RPS6KC1: variants seen among roughly 807,000 people sequenced by gnomAD.
RPS6KC1 encodes inactive ribosomal protein S6 kinase delta-1.
Under a neutral mutation model 103.8 loss-of-function variants are expected in RPS6KC1, and 54 were observed. That is an observed-to-expected ratio of 0.52 (90% CI 0.42 to 0.65). The LOEUF (loss-of-function observed/expected upper bound fraction) is 0.65. Among genes scored for constraint, RPS6KC1 ranks in the 30% least tolerant of loss-of-function variants. RPS6KC1 has a pLI of 0.00. For missense variants in RPS6KC1, 1,151 were observed against 1,253.8 expected (o/e 0.92, Z 1.24); for synonymous variants, 439 against 438.7 (o/e 1.00, Z -0.01).
At chr1:213,266,023 A>G (rs1320836077) in intron 14 of RPS6KC1, among the ~76,000 whole-genome samples, 1 of 152,242 alleles carries the variant, frequency 6.6e-6, no homozygotes, top group Non-Finnish European at 1.5e-5. Flanking sequence ...GAGTTAAATG[A>G]GTTAACCTAT....
downstream of RPS6KC1, among the ~76,000 whole-genome samples, chr1:213,279,661 A>C (rs2095118848): frequency 6.6e-6 from 1 of 152,106 alleles, no homozygotes; most frequent in Admixed American, 6.5e-5. Flanking sequence ...TTTGTACCAG[A>C]CCTCTGACAT....
the RPS6KC1 span, among the ~76,000 whole-genome samples, chr1:213,432,454 G>A: frequency 6.6e-6 from 1 of 152,082 alleles, no homozygotes; most frequent in Non-Finnish European, 1.5e-5. Context: ...TTTAAATTTT[G>A]TTTAACAGTT....
At chr1:213,550,209 G>A in the RPS6KC1 span, among the ~76,000 whole-genome samples, 1 of 152,188 alleles carries the variant, frequency 6.6e-6, no homozygotes, top group Non-Finnish European at 1.5e-5. Flanking sequence ...ATATTATGAA[G>A]TGAGATACAT....
chr1:213,057,979 GCTGGTCTCAAACTC>G (rs2148315255), intron 1 of RPS6KC1, among the ~76,000 whole-genome samples: 1 of 150,552 alleles, frequency 6.6e-6, no homozygotes, highest in South Asian at 2.1e-4. Flanking sequence ...TGTTGTCCAG[GCTGGTCTCAAACTC>G]CTGGTCTCAA....
At chr1:213,194,196 G>A (rs933613655) in intron 8 of RPS6KC1, among the ~76,000 whole-genome samples, 4 of 152,090 alleles carry the variant, frequency 2.6e-5, no homozygotes, top group African/African-American at 9.7e-5. Context: ...TTCCGCCTGT[G>A]TGTCTTTATA....
the RPS6KC1 span, among the ~76,000 whole-genome samples, chr1:213,478,566 T>C: frequency 6.6e-6 from 1 of 152,160 alleles, no homozygotes; most frequent in Non-Finnish European, 1.5e-5. Flanking sequence ...AATGGATGTA[T>C]AGTGGTATCT....
chr1:213,777,741 A>G, the RPS6KC1 span, among the ~76,000 whole-genome samples: 7 of 152,174 alleles, frequency 4.6e-5, 1 homozygote, highest in South Asian at 4.1e-4. Flanking sequence ...TCTTTGTGTC[A>G]TGTATTTATC....
chr1:213,665,199 AAACAAC>A, the RPS6KC1 span, among the ~76,000 whole-genome samples: 25 of 151,062 alleles, frequency 1.7e-4, no homozygotes, highest in Middle Eastern at 3.4e-3. Context: ...AAACAAGCAA[AAACAAC>A]AACAACAACA....
the RPS6KC1 span, among the ~76,000 whole-genome samples, chr1:213,563,655 A>AAAATATCATCTAGG: frequency 6.6e-6 from 1 of 152,124 alleles, no homozygotes; most frequent in Non-Finnish European, 1.5e-5. Context: ...CTTGACTTGG[A>AAAATATCATCTAGG]AAATATCATC....
intron 12 of RPS6KC1, among the ~76,000 whole-genome samples, chr1:213,261,181 C>T (rs1026654685): frequency 2.6e-5 from 4 of 151,898 alleles, no homozygotes; most frequent in African/African-American, 9.7e-5. Flanking sequence ...TCCTTTAGAA[C>T]CTGAAGGGTC....
the RPS6KC1 span, among the ~76,000 whole-genome samples, chr1:213,334,098 A>G: frequency 6.6e-6 from 1 of 152,162 alleles, no homozygotes; most frequent in African/African-American, 2.4e-5. Flanking sequence ...TAGTTTCTGG[A>G]TGATGATAAT....
intron 5 of RPS6KC1, among the ~76,000 whole-genome samples, chr1:213,121,182 G>T (rs1247188737): frequency 6.6e-6 from 1 of 152,146 alleles, no homozygotes; most frequent in Non-Finnish European, 1.5e-5. Flanking sequence ...GATTCTCCTG[G>T]CCTTGGCCTC....
the RPS6KC1 span, among the ~76,000 whole-genome samples, chr1:213,520,676 G>A: frequency 2.0e-5 from 3 of 152,074 alleles, no homozygotes; most frequent in Admixed American, 2.0e-4. Context: ...AAACCCATGA[G>A]AAGATAAGGC....
chr1:213,119,204 T>C lies in RPS6KC1; in HGVS notation c.472+1794T>C, dbSNP rs1052083689. 3.3e-5 allele frequency among the ~76,000 whole-genome samples: 5 copies of C among 151,784 alleles called. No individual in the cohort carries two copies. In the East Asian group the frequency reaches 9.8e-4, roughly 30 times the overall value. On this transcript the variant is annotated intron_variant, in intron 5 of 14. Coordinates refer to ENST00000366960, the MANE Select transcript of RPS6KC1 (RefSeq NM_012424.6). ...CTCACGCTTGTAATCCTAGCACTTT[T>C]GGGAGGCCAAGGCAGGCGGATCACT... is the stretch of plus-strand genomic sequence containing the variant.
In RPS6KC1 at chr1:213,051,301, C is replaced by A; in HGVS notation, c.-104C>A. On this transcript the variant is annotated 5_prime_UTR_variant, in exon 1 of 15. Transcript: ENST00000366960. ...CGTGGAGCCGCCTTGGAGCCACCGC[C>A]CCCTCGCCGCTTCGCCGCTGCGTTG... 2 of 794,500 alleles carry A rather than the reference C, an allele frequency of 2.5e-6. No individual in the cohort carries two copies. The allele number at this position is 794,500 out of a possible 1,614,324, so 49.2% of individuals were successfully genotyped here.
At chr1:213,812,503 G>A in the RPS6KC1 span, among the ~76,000 whole-genome samples, 3 of 152,146 alleles carry the variant, frequency 2.0e-5, no homozygotes, top group South Asian at 6.2e-4. Context: ...TATTCTATGT[G>A]CCCGAGTAGC....
At chr1:213,364,923 A>G in the RPS6KC1 span, among the ~76,000 whole-genome samples, 1 of 152,118 alleles carries the variant, frequency 6.6e-6, no homozygotes, top group Non-Finnish European at 1.5e-5. Flanking sequence ...GCACCACTGC[A>G]CTCCAGCCTG....
At chr1:213,830,523 T>C in the RPS6KC1 span, among the ~76,000 whole-genome samples, 2 of 152,144 alleles carry the variant, frequency 1.3e-5, no homozygotes, top group Non-Finnish European at 2.9e-5. Flanking sequence ...CTAATCCCGG[T>C]ATAAAGACTG....
chr1:213,732,354 C>CGTGT, the RPS6KC1 span, among the ~76,000 whole-genome samples: 50,664 of 150,064 alleles, frequency 0.34, 8,366 homozygotes, highest in Middle Eastern at 0.44. Context: ...TATGAGTGTG[C>CGTGT]GTGTGCGTGT....
Sources: gnomAD v4.1 joint callset for allele counts (sites outside exome capture counted in the v4.1 genomes callset) on GRCh38, gnomAD v4.1.1 for gene constraint, MANE v1.5 for transcripts, NCBI Gene and HGNC (gene_info 2026-07-23, HGNC 2026-07-21) for gene names.